RNGTT: variants seen among roughly 807,000 people sequenced by gnomAD.
The protein encoded by RNGTT is RNA guanylyltransferase and 5'-phosphatase, also known as mRNA-capping enzyme.
RNGTT carries 33 observed loss-of-function variants against 79.3 expected under a neutral mutation model. That is an observed-to-expected ratio of 0.42 (90% CI 0.32 to 0.56). The LOEUF is 0.56. Ranked by LOEUF, RNGTT falls within the 20% of genes least tolerant of loss-of-function variation. The probability of loss-of-function intolerance (pLI) is 0.17; values close to 1 mark genes in which losing one functional copy is unlikely to be tolerated. For synonymous variants in RNGTT, 222 were observed against 235.9 expected (o/e 0.94, Z 0.54); for missense variants, 497 against 739.1 (o/e 0.67, Z 3.80).
At chr6:88,927,816 A>G (rs923296691) in intron 4 of RNGTT, among the ~76,000 whole-genome samples, 9 of 151,354 alleles carry the variant, frequency 5.9e-5, no homozygotes, top group Admixed American at 5.9e-4. Context: ...CCTGGGCAAC[A>G]GAGTGGGATT....
chr6:88,656,590 A>G (rs1381207730), intron 14 of RNGTT, among the ~76,000 whole-genome samples: 1 of 151,974 alleles, frequency 6.6e-6, no homozygotes, highest in African/African-American at 2.4e-5. Context: ...GGTTCATGAA[A>G]CCTCTGAAAT....
At chr6:88,950,195 A>G (rs753511845) in intron 1 of RNGTT, among the ~76,000 whole-genome samples, 23 of 152,208 alleles carry the variant, frequency 1.5e-4, no homozygotes, top group Admixed American at 5.9e-4. Context: ...ACTGCTCAGA[A>G]AAAAAGATTC....
intron 14 of RNGTT, among the ~76,000 whole-genome samples, chr6:88,635,448 A>G (rs1226280264): frequency 2.6e-5 from 4 of 152,036 alleles, no homozygotes; most frequent in Non-Finnish European, 5.9e-5. Flanking sequence ...AAAGATGAAC[A>G]ACTCCCAGTC....
At chr6:88,632,920 T>A (rs1772956237) in intron 14 of RNGTT, among the ~76,000 whole-genome samples, 3 of 152,220 alleles carry the variant, frequency 2.0e-5, no homozygotes, top group Admixed American at 6.5e-5. Flanking sequence ...CTTTCCCACA[T>A]ATTGTCTCTT....
chr6:88,796,997 TAAG>T (rs1233366315), intron 12 of RNGTT, among the ~76,000 whole-genome samples: 1 of 152,142 alleles, frequency 6.6e-6, no homozygotes, highest in East Asian at 1.9e-4. Flanking sequence ...CTAGTATATA[TAAG>T]AAGATGATTT....
Position 88,918,897 on chromosome 6 carries a change from TTAAA to T in RNGTT, c.367+10084_367+10087del, listed in dbSNP as rs150914262. 3.1e-3 allele frequency among the ~76,000 whole-genome samples: 467 copies of T among 152,340 alleles called. 3 individuals carry two copies. The highest frequency in any genetic ancestry group is 0.011 in the African/African-American group (447 of 41,578). On this transcript the variant is annotated intron_variant, in intron 4 of 15. Coordinates refer to ENST00000369485, the MANE Select transcript of RNGTT (RefSeq NM_003800.5). The stretch of plus-strand genomic sequence containing the variant: ...GTATCCAATTTTTACTCTTGCAAGA[TTAAA>T]TATTTTTATGAATAGGAAATGTAAT...
chr6:88,639,280 T>C (rs190605924), intron 14 of RNGTT, among the ~76,000 whole-genome samples: 6 of 152,240 alleles, frequency 3.9e-5, no homozygotes, highest in Non-Finnish European at 8.8e-5. Context: ...TATTTTACTA[T>C]TAAATGGTAC....
intron 4 of RNGTT, among the ~76,000 whole-genome samples, chr6:88,922,432 T>A (rs73506551): frequency 1.3e-5 from 2 of 152,112 alleles, no homozygotes; most frequent in African/African-American, 4.8e-5. Flanking sequence ...GGGTTTCATA[T>A]GATTACCATG....
chr6:88,799,364 G>A (rs1779707132), intron 12 of RNGTT, among the ~76,000 whole-genome samples: 1 of 152,080 alleles, frequency 6.6e-6, no homozygotes, highest in African/African-American at 2.4e-5. Context: ...AGGGAGACTT[G>A]ACTTAATACC....
intron 8 of RNGTT, among the ~76,000 whole-genome samples, chr6:88,860,824 T>TAA (rs74369850): frequency 1.1e-4 from 15 of 138,274 alleles, no homozygotes; most frequent in African/African-American, 3.1e-4. Context: ...TTTTTTAACT[T>TAA]AAAAAAAAAA....
intron 13 of RNGTT, among the ~76,000 whole-genome samples, chr6:88,697,928 G>GATATATATATGAAATACATATATGAT (rs1775744982): frequency 9.3e-6 from 1 of 107,282 alleles, no homozygotes; most frequent in Non-Finnish European, 1.7e-5. Flanking sequence ...ACATATATAT[G>GATATATATATGAAATACATATATGAT]ATATATATAT....
intron 14 of RNGTT, among the ~76,000 whole-genome samples, chr6:88,670,602 C>T (rs1774599216): frequency 6.6e-6 from 1 of 152,128 alleles, no homozygotes; most frequent in East Asian, 1.9e-4. Flanking sequence ...TGGTTTAGTG[C>T]CAAGAACCAG....
At chr6:88,861,232 T>C (rs1582554039) in intron 8 of RNGTT, among the ~76,000 whole-genome samples, 1 of 152,164 alleles carries the variant, frequency 6.6e-6, no homozygotes, top group East Asian at 1.9e-4. Flanking sequence ...AATTCAAGTA[T>C]ACTAAAATTT....
At chr6:88,730,178 G>A (rs552493394) in intron 13 of RNGTT, among the ~76,000 whole-genome samples, 4 of 152,292 alleles carry the variant, frequency 2.6e-5, no homozygotes, top group Non-Finnish European at 5.9e-5. Flanking sequence ...TAATCAATAT[G>A]TCAATATGTA....
chr6:88,729,995 G>C (rs13206519), intron 13 of RNGTT, among the ~76,000 whole-genome samples: 19,749 of 152,074 alleles, frequency 0.13, 1,455 homozygotes, highest in Middle Eastern at 0.23. Flanking sequence ...GGTTGGTGCA[G>C]AGGCTCATAA....
At chr6:88,839,308 T>C (rs971455631) in intron 11 of RNGTT, among the ~76,000 whole-genome samples, 2 of 152,120 alleles carry the variant, frequency 1.3e-5, no homozygotes, top group African/African-American at 4.8e-5. Context: ...TGGTGTCTCA[T>C]GCCTGTAATC....
At chr6:88,955,760 G>A (rs1304591747) in intron 1 of RNGTT, among the ~76,000 whole-genome samples, 1 of 151,954 alleles carries the variant, frequency 6.6e-6, no homozygotes, top group African/African-American at 2.4e-5. Context: ...CACTGGTTCT[G>A]GATGTGGTGC....
intron 14 of RNGTT, among the ~76,000 whole-genome samples, chr6:88,673,004 G>A (rs1312427771): frequency 1.3e-5 from 2 of 152,164 alleles, no homozygotes; most frequent in East Asian, 3.8e-4. Flanking sequence ...CATTTAACAT[G>A]TGGCCAAATA....
intron 13 of RNGTT, among the ~76,000 whole-genome samples, chr6:88,691,535 A>G (rs1775482401): frequency 6.6e-6 from 1 of 152,348 alleles, no homozygotes; most frequent in Admixed American, 6.5e-5. Context: ...AAGTGTAAAG[A>G]AGAGCAAAGA....
Sources: gnomAD v4.1 joint callset for allele counts (sites outside exome capture counted in the v4.1 genomes callset) on GRCh38, gnomAD v4.1.1 for gene constraint, MANE v1.5 for transcripts, NCBI Gene and HGNC (gene_info 2026-07-23, HGNC 2026-07-21) for gene names.